Variants in SCIN observed in about 807,000 individuals in gnomAD.
SCIN encodes the protein adseverin.
Under a neutral mutation model 91.8 loss-of-function variants are expected in SCIN, and 91 were observed. The observed-to-expected ratio is 0.99, with a 90% confidence interval of 0.84 to 1.18. The LOEUF (loss-of-function observed/expected upper bound fraction) is 1.18, where lower values mean the gene tolerates loss of function less well. SCIN is among the 50% of genes most tolerant of loss of function. The pLI is 0.00. For missense variants in SCIN, 1,087 were observed against 863.9 expected, an observed-to-expected ratio of 1.26 and a Z score of -3.24; for synonymous variants, 367 against 312.6, an observed-to-expected ratio of 1.17 and a Z score of -1.84.
At chr7:12,579,638 G>A (rs898609244) in intron 2 of SCIN, among the ~76,000 whole-genome samples, 6 of 152,262 alleles carry the variant, frequency 3.9e-5, no homozygotes, top group South Asian at 2.1e-4. Flanking sequence ...AACTGTAGTC[G>A]AGCATGGTGG....
chr7:12,574,468 T>A (rs1378987107), intron 1 of SCIN, among the ~76,000 whole-genome samples: 1 of 152,092 alleles, frequency 6.6e-6, no homozygotes, highest in Non-Finnish European at 1.5e-5. Context: ...ATCTTGATTG[T>A]GATAGCAGAT....
In SCIN at chr7:12,577,539, A is replaced by G. The variant is rs184667665; in HGVS notation, c.200-525A>G. 183 of 456,310 alleles carry G rather than the reference A, an allele frequency of 4.0e-4. 2 individuals are homozygous for G. The highest frequency in any genetic ancestry group is 3.0e-3 in the African/African-American group (151 of 50,160). 28.3% of individuals were successfully genotyped at this position (456,310 alleles called of 1,614,324 possible). On this transcript the variant is annotated intron_variant, in intron 1 of 15. Coordinates refer to ENST00000297029, the MANE Select transcript of SCIN (RefSeq NM_001112706.3). Reference sequence around the variant, plus strand: ...ACAGTGTTTCTTTTTAAAATTTTTAAAGGAATTGGAAAAAGCAGAAACAAA... The same window carrying G: ...ACAGTGTTTCTTTTTAAAATTTTTAGAGGAATTGGAAAAAGCAGAAACAAA...
At position 12,657,819 on chromosome 7, in the gene SCIN, T is replaced by G. The variant is rs1784197875; in HGVS notation, c.*5104T>G. 6.6e-6 allele frequency: 1 copy of G among 151,664 alleles called. No homozygotes were observed. The highest frequency in any genetic ancestry group is 2.1e-4 in the South Asian group (1 of 4,808). The allele number at this position is 151,664 out of a possible 1,614,324, so 9.4% of individuals were successfully genotyped here. On this transcript the variant is annotated 3_prime_UTR_variant, in exon 16 of 16. Transcript: ENST00000297029. ...TAATTGACTATGGCATTTGCATGCA[T>G]TTCATCATGTCTCCATTTCTTCGGA...
At chr7:12,641,532 T>A (rs947385468) in intron 11 of SCIN, among the ~76,000 whole-genome samples, 1 of 152,184 alleles carries the variant, frequency 6.6e-6, no homozygotes, top group Non-Finnish European at 1.5e-5. Flanking sequence ...CTTTGATGAC[T>A]TCAGCCATTA....
In SCIN at chr7:12,657,573, T is replaced by TATATATATATATATA. The variant is rs1491092212; in HGVS notation, c.*4858_*4859insATATATATATATATA. 7.2e-4 allele frequency: 11 copies of TATATATATATATATA among 15,282 alleles called. No homozygotes were observed. The highest frequency in any genetic ancestry group is 1.3e-3 in the Admixed American group (1 of 790). The allele number at this position is 15,282 out of a possible 1,614,324, so 0.9% of individuals were successfully genotyped here. On this transcript the variant is annotated 3_prime_UTR_variant, in exon 16 of 16. Transcript: ENST00000297029. ...ATATATATATATATATATATATATA[T>TATATATATATATATA]TTTTTTTTTTTTTTTTTTTTTTTTT...
chr7:12,604,778 C>T, intron 4 of SCIN, 115 bp downstream of exon 4: 1 of 813,056 alleles, frequency 1.2e-6, no homozygotes. Flanking sequence ...AGAGATTCAA[C>T]ACATGTTTCA....
intron 3 of SCIN, among the ~76,000 whole-genome samples, chr7:12,595,372 C>A (rs1782819142): frequency 6.6e-6 from 1 of 150,742 alleles, no homozygotes; most frequent in South Asian, 2.1e-4. Context: ...CCCATGCTGC[C>A]CGTAGGGCTG....
In SCIN at chr7:12,657,477, G is replaced by T. The variant is rs1285307008; in HGVS notation, c.*4762G>T. On this transcript the variant is annotated 3_prime_UTR_variant, in exon 16 of 16. Coordinates refer to ENST00000297029, the MANE Select transcript of SCIN (RefSeq NM_001112706.3). ...ACCTGCCTTGGCCTCCCAATATGCT[G>T]GGATTACAGGCATGAGCCACCGCAT... 1 of 140,630 alleles carries T rather than the reference G, an allele frequency of 7.1e-6. No homozygotes were observed. Among genetic ancestry groups the T allele is most frequent in the African/African-American group, 2.6e-5 (1 of 38,090 alleles). 8.7% of individuals were successfully genotyped at this position (140,630 alleles called of 1,614,324 possible). A position where few individuals can be genotyped will look rare whatever the true frequency, so the allele number is the denominator to read the frequency against.
intron 4 of SCIN, among the ~76,000 whole-genome samples, chr7:12,618,463 T>C (rs1386960372): frequency 1.3e-5 from 2 of 152,170 alleles, no homozygotes; most frequent in Non-Finnish European, 2.9e-5. Flanking sequence ...TTCTTTAATA[T>C]ATGAAATCAC....
At chr7:12,581,444 C>T (rs898474976) in intron 3 of SCIN, among the ~76,000 whole-genome samples, 1 of 152,128 alleles carries the variant, frequency 6.6e-6, no homozygotes, top group African/African-American at 2.4e-5. Context: ...GTTCTTCCTA[C>T]CATAGAACAG....
At chr7:12,607,212 G>T (rs865828668) in intron 4 of SCIN, among the ~76,000 whole-genome samples, 34 of 152,242 alleles carry the variant, frequency 2.2e-4, no homozygotes, top group African/African-American at 7.2e-4. Flanking sequence ...CAAAGTGAAG[G>T]GTTAGACAAA....
chr7:12,606,693 A>G (rs1259255564), intron 4 of SCIN, among the ~76,000 whole-genome samples: 1 of 152,182 alleles, frequency 6.6e-6, no homozygotes, highest in Non-Finnish European at 1.5e-5. Flanking sequence ...AAATTGTGCT[A>G]AAATATTACC....
At chr7:12,631,532 G>A (rs1340815883) in intron 9 of SCIN, among the ~76,000 whole-genome samples, 2 of 152,168 alleles carry the variant, frequency 1.3e-5, no homozygotes, top group East Asian at 3.9e-4. Context: ...ATGAATGGAT[G>A]AGTTCATTAA....
At chr7:12,625,189 TC>T (rs759701558) in intron 6 of SCIN, 47 bp downstream of exon 6, 1 of 1,504,012 alleles carries the variant, frequency 6.6e-7, no homozygotes, top group Admixed American at 2.0e-5. Flanking sequence ...TATAGATATT[TC>T]CTCTATAAGG....
At chr7:12,619,636 T>C (rs1783365915) in intron 4 of SCIN, among the ~76,000 whole-genome samples, 1 of 152,140 alleles carries the variant, frequency 6.6e-6, no homozygotes, top group East Asian at 1.9e-4. Context: ...CCTAGCTAGC[T>C]ACGGGGAAAG....
chr7:12,609,871 G>T (rs1021969351), intron 4 of SCIN, among the ~76,000 whole-genome samples: 1 of 25,202 alleles, frequency 4.0e-5, no homozygotes, highest in Non-Finnish European at 8.1e-5. Context: ...TCAGATTTTT[G>T]ACCTAAAAAA....
chr7:12,653,344 T>C lies in SCIN; in HGVS notation c.*629T>C, dbSNP rs1342210804. The C allele has an allele frequency of 6.6e-6, 1 of 152,214 alleles. No individual in the cohort carries two copies. Among genetic ancestry groups the C allele is most frequent in the African/African-American group, 2.4e-5 (1 of 41,450 alleles). 9.4% of individuals were successfully genotyped at this position (152,214 alleles called of 1,614,324 possible). On this transcript the variant is annotated 3_prime_UTR_variant, in exon 16 of 16. Transcript: ENST00000297029. The surrounding 1 kb of genome is among the most constrained non-coding windows in gnomAD (Gnocchi z 4.1). ...ATTTGTCAGATAGGAAATTTTATAA[T>C]GCATTAGCCATTAGTCAGAGTTGTT...
At chr7:12,640,618 C>T in intron 11 of SCIN, 101 bp downstream of exon 11, 9 of 1,017,840 alleles carry the variant, frequency 8.8e-6, no homozygotes, top group Non-Finnish European at 1.2e-5. Context: ...CAAATAAACT[C>T]CCTTCATTCC....
intron 3 of SCIN, among the ~76,000 whole-genome samples, chr7:12,600,712 A>C (rs940406268): frequency 6.6e-6 from 1 of 152,206 alleles, no homozygotes; most frequent in Non-Finnish European, 1.5e-5. Flanking sequence ...CTCAGAGTAC[A>C]TCACACTTGG....
Sources: gnomAD v4.1 joint callset for allele counts (sites outside exome capture counted in the v4.1 genomes callset) on GRCh38, gnomAD v4.1.1 for gene constraint, Gnocchi (gnomAD v3.1) non-coding constraint, MANE v1.5 for transcripts, NCBI Gene and HGNC (gene_info 2026-07-23, HGNC 2026-07-21) for gene names.